The following TRMT44 variants were observed in gnomAD, a reference collection of about 807,000 sequenced individuals.
The protein encoded by TRMT44 is tRNA methyltransferase 44 homolog, also known as probable tRNA (uracil-O(2)-)-methyltransferase.
Under a neutral mutation model 77.3 loss-of-function variants are expected in TRMT44, and 78 were observed. The ratio of observed to expected loss-of-function variants is 1.01; its 90% confidence interval spans 0.84 to 1.22. The LOEUF (loss-of-function observed/expected upper bound fraction) is 1.22. Among genes scored for constraint, TRMT44 ranks in the 50% most tolerant of loss-of-function variants. TRMT44 has a pLI of 0.00. For missense variants in TRMT44, 1,090 were observed against 964.4 expected (o/e 1.13, Z -1.73); for synonymous variants, 391 against 383.3 (o/e 1.02, Z -0.23).
the TRMT44 span, among the ~76,000 whole-genome samples, chr4:8,499,520 G>A: frequency 6.9e-6 from 1 of 145,980 alleles, no homozygotes; most frequent in African/African-American, 2.5e-5. Flanking sequence ...TTGAGTGTGG[G>A]GGTGGGCAGG....
At position 8,475,952 on chromosome 4, in the gene TRMT44, C is replaced by A. The variant is rs565382886; in HGVS notation, c.2225C>A (p.Pro742His). ...STDCCPFAHG[P>H]AELRPPRTTP... ...GACTGCTGCCCGTTTGCCCATGGGC[C>A]TGCGGAGCTGCGGCCACCCCGGACC... Residue 742 changes from proline to histidine, a missense_variant, in exon 11 of 11, where the codon CCT (proline) becomes CAT (histidine). Physicochemically the swap from Pro to His is moderately conservative, Grantham distance 77 (BLOSUM62 -2). Transcript: ENST00000389737. 13 of 1,614,152 alleles carry A rather than the reference C, an allele frequency of 8.1e-6. No homozygotes were observed. In the South Asian group the frequency reaches 9.9e-5, roughly 12 times the overall value.
Position 8,451,857 on chromosome 4 carries a change from C to T in TRMT44, c.955-103C>T, listed in dbSNP as rs571768509. ...AGCTTATGTTTCCTATTTTAGTGTA[C>T]GATTAGTCCAGTTTGATTTATGCTT... On this transcript the variant is annotated intron_variant, in intron 3 of 10. Transcript: ENST00000389737. This position sits in a 1 kb window ranked among gnomAD's most constrained non-coding sequence, Gnocchi z 4.1. 117 of 1,004,672 alleles carry T rather than the reference C, an allele frequency of 1.2e-4. No homozygotes were observed. In the African/African-American group the frequency reaches 1.5e-3, roughly 12 times the overall value. 62.2% of individuals were successfully genotyped at this position (1,004,672 alleles called of 1,614,324 possible).
chr4:8,465,315 C>G, intron 7 of TRMT44, 63 bp from the exon 8 acceptor site: 1 of 1,506,192 alleles, frequency 6.6e-7, no homozygotes, highest in Non-Finnish European at 8.9e-7. Flanking sequence ...GGCTTTGTTC[C>G]GAATTTCCTT....
chr4:8,508,541 T>A, the TRMT44 span, among the ~76,000 whole-genome samples: 1 of 152,104 alleles, frequency 6.6e-6, no homozygotes, highest in South Asian at 2.1e-4. Flanking sequence ...CACCTCTGAG[T>A]GGTGCAGACA....
At chr4:8,457,543 C>T (rs1168807877) in intron 6 of TRMT44, among the ~76,000 whole-genome samples, 2 of 152,088 alleles carry the variant, frequency 1.3e-5, no homozygotes, top group African/African-American at 4.8e-5. Flanking sequence ...GTTACAAGGA[C>T]CTTTAAGCCT....
intron 10 of TRMT44, among the ~76,000 whole-genome samples, chr4:8,471,746 G>A (rs1483317732): frequency 6.6e-6 from 1 of 152,224 alleles, no homozygotes; most frequent in Non-Finnish European, 1.5e-5. Flanking sequence ...GACTGCCAGG[G>A]TATGGGGAGG....
rs1725538012 is a variant in TRMT44, at chr4:8,452,790, ACTCAGAGTTTT to A, written c.1024-89_1024-79del. ...TGTAGATGATTTCAAGTTTCCTTTC[ACTCAGAGTTTT>A]CTTTGACCAGTTTGTGTCTAAATTA... On this transcript the variant is annotated intron_variant, in intron 4 of 10. Coordinates refer to ENST00000389737, the MANE Select transcript of TRMT44 (RefSeq NM_152544.3). The surrounding 1 kb of genome is among the most constrained non-coding windows in gnomAD (Gnocchi z 5.7). 1.5e-6 allele frequency: 1 copy of A among 665,538 alleles called. No homozygotes were observed. Among genetic ancestry groups the A allele is most frequent in the South Asian group, 2.1e-5 (1 of 48,180 alleles). 41.2% of individuals were successfully genotyped at this position (665,538 alleles called of 1,614,324 possible).
At chr4:8,490,942 A>G (rs376374843) in intron 2 of TRMT44, among the ~76,000 whole-genome samples, 1 of 152,140 alleles carries the variant, frequency 6.6e-6, no homozygotes, top group East Asian at 1.9e-4. Flanking sequence ...GTATCGACAC[A>G]AAGGTTCTCC....
rs911238388 is a variant in TRMT44, at chr4:8,440,832, G to C, written c.10G>C (p.Val4Leu). Residue 4 changes from valine (V) to leucine (L), a missense_variant, in exon 1 of 11, where the codon GTG becomes CTG. Coordinates refer to ENST00000389737, the MANE Select transcript of TRMT44 (RefSeq NM_152544.3). MAEVGRTGISYPGA... is the reference protein window; with the variant it reads MAELGRTGISYPGA... The stretch of plus-strand genomic sequence containing the variant: ...ACACCTGCTGGCTGCCATGGCTGAG[G>C]TGGGCCGTACCGGGATCAGCTACCC... 1.3e-6 allele frequency: 2 copies of C among 1,486,088 alleles called. No individual in the cohort carries two copies. The highest frequency in any genetic ancestry group is 1.8e-6 in the Non-Finnish European group (2 of 1,121,842). The allele number at this position is 1,486,088 out of a possible 1,614,324, so 92.1% of individuals were successfully genotyped here. A position where few individuals can be genotyped will look rare whatever the true frequency, so the allele number is the denominator to read the frequency against.
downstream of TRMT44, among the ~76,000 whole-genome samples, chr4:8,497,597 A>G (rs1435761398): frequency 6.6e-6 from 1 of 152,136 alleles, no homozygotes; most frequent in Non-Finnish European, 1.5e-5. Context: ...GTGAGCTGAG[A>G]TCGCGCCACT....
the TRMT44 span, among the ~76,000 whole-genome samples, chr4:8,508,354 C>A: frequency 6.6e-6 from 1 of 152,182 alleles, no homozygotes; most frequent in Admixed American, 6.5e-5. Flanking sequence ...GGTTGGCCTG[C>A]CGGGCCCTGA....
intron 9 of TRMT44, among the ~76,000 whole-genome samples, chr4:8,469,201 C>T (rs1383213791): frequency 2.0e-5 from 3 of 152,232 alleles, no homozygotes; most frequent in African/African-American, 4.8e-5. Flanking sequence ...ATAGACGGCC[C>T]CTCCAGAAAT....
intron 9 of TRMT44, among the ~76,000 whole-genome samples, chr4:8,470,317 T>A (rs1470849337): frequency 2.0e-5 from 3 of 152,006 alleles, no homozygotes; most frequent in Non-Finnish European, 4.4e-5. Flanking sequence ...TCCGTAGGGG[T>A]CTGACAGGCT....
chr4:8,459,432 C>A (rs1184709438), intron 6 of TRMT44, among the ~76,000 whole-genome samples: 2 of 152,140 alleles, frequency 1.3e-5, no homozygotes, highest in Non-Finnish European at 2.9e-5. Flanking sequence ...GCGAGGAAAC[C>A]GAGGTACCCT....
rs753785110 is a variant in TRMT44 at position 8,468,020 on chromosome 4, C to T, written c.1601C>T (p.Pro534Leu). Residue 534 changes from proline to leucine, a missense_variant, in exon 9 of 11, where the codon CCA (proline) becomes CTA (leucine). Physicochemically the swap from Pro to Leu is moderately conservative, Grantham distance 98. Coordinates refer to ENST00000389737, the MANE Select transcript of TRMT44 (RefSeq NM_152544.3). ...IKSRRGCPVS[P>L]PGWELSPSPR... is the part of the protein sequence containing the mutation. The stretch of plus-strand genomic sequence containing the variant: ...AGCAGGCGGGGCTGCCCTGTAAGCC[C>T]ACCTGGCTGGGAGCTTTCCCCTTCT... 3 of 1,613,882 alleles carry T rather than the reference C, an allele frequency of 1.9e-6. No homozygotes were observed. The highest frequency in any genetic ancestry group is 1.3e-5 in the African/African-American group (1 of 74,934).
In TRMT44 at chr4:8,451,863, G is replaced by A. The variant is rs967014289; in HGVS notation, c.955-97G>A. ...TGTTTCCTATTTTAGTGTACGATTA[G>A]TCCAGTTTGATTTATGCTTTATAGG... On this transcript the variant is annotated intron_variant, in intron 3 of 10. Coordinates refer to ENST00000389737, the MANE Select transcript of TRMT44 (RefSeq NM_152544.3). The surrounding 1 kb of genome is among the most constrained non-coding windows in gnomAD (Gnocchi z 4.1). 8.3e-6 allele frequency: 9 copies of A among 1,078,494 alleles called. No individual in the cohort carries two copies. Among genetic ancestry groups the A allele is most frequent in the Non-Finnish European group, 1.1e-5 (8 of 731,762 alleles). 66.8% of individuals were successfully genotyped at this position (1,078,494 alleles called of 1,614,324 possible). A position where few individuals can be genotyped will look rare whatever the true frequency, so the allele number is the denominator to read the frequency against.
the TRMT44 span, among the ~76,000 whole-genome samples, chr4:8,501,140 G>A: frequency 4.6e-5 from 7 of 152,342 alleles, 1 homozygote; most frequent in African/African-American, 1.7e-4. This position sits in a 1 kb window ranked among gnomAD's most constrained non-coding sequence, Gnocchi z 4.4. Flanking sequence ...ATCCAATTGA[G>A]TGCCTACTGC....
rs578147775 is a variant in TRMT44, at chr4:8,461,722, C to T, written c.1204-2263C>T. Among the ~76,000 whole-genome samples, 6 of 152,182 alleles carry T rather than the reference C, an allele frequency of 3.9e-5. No homozygotes were observed. Among genetic ancestry groups the T allele is most frequent in the African/African-American group, 9.6e-5 (4 of 41,534 alleles). On this transcript the variant is annotated intron_variant, in intron 6 of 10. Transcript: ENST00000389737. The surrounding 1 kb of genome is among the most constrained non-coding windows in gnomAD (Gnocchi z 4.6). The stretch of plus-strand genomic sequence containing the variant: ...CTTGTTACCTCCCAACCTTCAGTCT[C>T]GGTGCTAAAATAGCCATGTTTATTC...
the TRMT44 span, chr4:8,512,320 G>A: frequency 6.6e-6 from 1 of 152,204 alleles, no homozygotes; most frequent in Admixed American, 6.5e-5. Flanking sequence ...GCCCACCTCG[G>A]CCTCCCAAAG....
Sources: allele counts gnomAD v4.1 joint callset (sites outside exome capture counted in the v4.1 genomes callset), GRCh38; gene constraint gnomAD v4.1.1; non-coding constraint Gnocchi (gnomAD v3.1); transcripts MANE v1.5; gene names NCBI Gene and HGNC (gene_info 2026-07-23, HGNC 2026-07-21).